The following DHX58 variants were observed in gnomAD, a reference collection of about 807,000 sequenced individuals.
DHX58 encodes DExH-box helicase 58.
A neutral mutation model predicts 65.0 loss-of-function variants in DHX58; 51 were observed. That is an observed-to-expected ratio of 0.78 (90% CI 0.63 to 0.99). The LOEUF (loss-of-function observed/expected upper bound fraction) is 0.99, where lower values mean the gene tolerates loss of function less well. Among genes scored for constraint, DHX58 ranks in the 50% least tolerant of loss-of-function variants. The probability of loss-of-function intolerance (pLI) is 0.00; values close to 1 mark genes in which losing one functional copy is unlikely to be tolerated. For synonymous variants in DHX58, 350 were observed against 365.0 expected (o/e 0.96, Z 0.47); for missense variants, 773 against 891.8 (o/e 0.87, Z 1.70).
At chr17:42,108,395 C>T (rs928394006) in intron 6 of DHX58, among the ~76,000 whole-genome samples, 2 of 152,246 alleles carry the variant, frequency 1.3e-5, no homozygotes, top group African/African-American at 4.8e-5. Flanking sequence ...CAGAGTGACT[C>T]AGCGAGTTTG....
At chr17:42,109,211 C>G in intron 6 of DHX58, 59 bp downstream of exon 6, 2 of 1,467,232 alleles carry the variant, frequency 1.4e-6, no homozygotes, top group Non-Finnish European at 1.9e-6. Flanking sequence ...AGGGCCCAAG[C>G]CTAGGTGTCC....
intron 2 of DHX58, 60 bp downstream of exon 2, chr17:42,112,052 CA>C: frequency 2.2e-6 from 2 of 900,070 alleles, no homozygotes; most frequent in South Asian, 1.9e-5. Context: ...CTGCTCTGCC[CA>C]AAAGGGGGAG....
chr17:42,107,387 A>G (rs1171753798), intron 8 of DHX58, among the ~76,000 whole-genome samples: 1 of 151,700 alleles, frequency 6.6e-6, no homozygotes, highest in African/African-American at 2.4e-5. Flanking sequence ...AAAAAAGTCA[A>G]CAATGTTAAT....
rs782528449 is a variant in DHX58, at chr17:42,111,924, A to G, written c.-1-31T>C. ...AATGGCAGGGGACTCAGACCCACCG[A>G]CTCCTCCACCCCTCCCAACTCCTGG... On this transcript the variant is annotated intron_variant, in intron 2 of 13. Transcript: ENST00000251642. 18 of 1,576,746 alleles carry G rather than the reference A, an allele frequency of 1.1e-5. No individual in the cohort carries two copies. The South Asian group carries it at 2.0e-4, about 17-fold the overall frequency.
intron 11 of DHX58, among the ~76,000 whole-genome samples, chr17:42,104,192 T>C (rs1476000480): frequency 2.0e-5 from 3 of 147,644 alleles, no homozygotes; most frequent in Non-Finnish European, 3.0e-5. Context: ...GGTGACAGAG[T>C]GAGACTCCGT....
chr17:42,107,549 A>G (rs2054079917), intron 8 of DHX58, 55 bp downstream of exon 8: 1 of 1,477,670 alleles, frequency 6.8e-7, no homozygotes, highest in Non-Finnish European at 9.0e-7. Context: ...CTGGCCTCTG[A>G]CCTCGCATCC....
At chr17:42,103,916 C>T in intron 11 of DHX58, 118 bp from the exon 12 acceptor site, 1 of 1,146,410 alleles carries the variant, frequency 8.7e-7, no homozygotes, top group South Asian at 1.6e-5. Flanking sequence ...CTTAACCCTC[C>T]CTGGAGCTTA....
intron 2 of DHX58, 24 bp from the exon 3 acceptor site, chr17:42,111,917 C>T (rs781810676): frequency 6.3e-7 from 1 of 1,586,504 alleles, no homozygotes; most frequent in Non-Finnish European, 8.6e-7. Flanking sequence ...GGGACTCAGA[C>T]CCACCGACTC....
intron 8 of DHX58, among the ~76,000 whole-genome samples, chr17:42,106,441 TG>T (rs2054061504): frequency 5.9e-5 from 1 of 16,992 alleles, no homozygotes; most frequent in Non-Finnish European, 1.1e-4. Flanking sequence ...AGGTGGGGGG[TG>T]GGGGGTGGGG....
intron 9 of DHX58, 88 bp from the exon 10 acceptor site, chr17:42,105,255 C>G (rs1175660922): frequency 1.4e-6 from 2 of 1,448,660 alleles, no homozygotes; most frequent in African/African-American, 1.4e-5. Flanking sequence ...TCTTCTGGTT[C>G]AGCCCTCACT....
chr17:42,103,585 G>T, intron 12 of DHX58, 23 bp downstream of exon 12: 6 of 1,613,212 alleles, frequency 3.7e-6, no homozygotes, highest in Non-Finnish European at 5.1e-6. Context: ...CCCCATCCCA[G>T]TAGCCCCTTC....
In DHX58 at chr17:42,105,936, G is replaced by A; in HGVS notation, c.1051C>T (p.Leu351=). 1.2e-6 allele frequency: 2 copies of A among 1,613,798 alleles called. No individual in the cohort carries two copies. The highest frequency in any genetic ancestry group is 1.7e-6 in the Non-Finnish European group (2 of 1,180,002). Residue 351 remains leucine (L), a synonymous_variant, in exon 9 of 14, where the codon CTG becomes TTG. Coordinates refer to ENST00000251642, the MANE Select transcript of DHX58 (RefSeq NM_024119.3). ...LATHGPENPK[L]EMLEKILQRQ... is the part of the protein sequence containing the mutation. The stretch of plus-strand genomic sequence containing the variant: ...TGCAGGATCTTTTCCAGCATCTCCA[G>A]TTTTGGATTCTCTGGGCCATGAGTT...
chr17:42,108,166 T>C (rs2054094534), intron 6 of DHX58, 58 bp from the exon 7 acceptor site: 8 of 1,611,606 alleles, frequency 5.0e-6, no homozygotes, highest in South Asian at 3.3e-5. Context: ...GGGCACCCAG[T>C]GGGGGTGCTG....
chr17:42,101,823 C>G lies in DHX58; in HGVS notation c.1975G>C (p.Val659Leu). 6.2e-7 allele frequency: 1 copy of G among 1,614,244 alleles called. No homozygotes were observed. The highest frequency in any genetic ancestry group is 8.5e-7 in the Non-Finnish European group (1 of 1,180,046). Residue 659 changes from valine to leucine, a missense_variant, in exon 14 of 14, where the codon GTG (valine) becomes CTG (leucine). Val to Leu is a conservative substitution (Grantham distance 32, BLOSUM62 1). Coordinates refer to ENST00000251642, the MANE Select transcript of DHX58 (RefSeq NM_024119.3). ...TGCTGCAGGAAGTCAAAGTCAGGCA[C>G]GGAGAAGGGCACGCGGGACCACTTT... Reference protein sequence around the residue: ...AKKWSRVPFSVPDFDFLQHCA... With the variant: ...AKKWSRVPFSLPDFDFLQHCA...
In DHX58 at chr17:42,105,849, C is replaced by T. The variant is rs369279500; in HGVS notation, c.1138G>A (p.Ala380Thr). The change falls in exon 9 of 14, where the codon GCA becomes ACA. Residue 380 changes from alanine to threonine, a missense_variant. Physicochemically the swap from Ala to Thr is moderately conservative, Grantham distance 58. Coordinates refer to ENST00000251642, the MANE Select transcript of DHX58 (RefSeq NM_024119.3). Reference protein sequence around the residue: ...GIIFTRTRQSAHSLLLWLQQQ... With the variant: ...GIIFTRTRQSTHSLLLWLQQQ... ...TGGAGCCAGAGCAGGAGGGAGTGTG[C>T]GCTTTGGCGGGTGCGGGTGAAGATG... The T allele has an allele frequency of 1.6e-5, 26 of 1,613,942 alleles. No homozygotes were observed. The highest frequency in any genetic ancestry group is 1.2e-4 in the South Asian group (11 of 91,078).
In DHX58 at chr17:42,108,286, G is replaced by A. The variant is rs528159768; in HGVS notation, c.679-178C>T. Among the ~76,000 whole-genome samples the A allele has an allele frequency of 1.1e-4, 16 of 152,300 alleles. No individual in the cohort carries two copies. The East Asian group carries it at 2.7e-3, about 26-fold the overall frequency. Reference sequence around the variant, plus strand: ...GGGGGAGTCCTGCCCTGTCTCACCCGCGATGTGCTCTTACCCTTTGGCCTG... The same window carrying A: ...GGGGGAGTCCTGCCCTGTCTCACCCACGATGTGCTCTTACCCTTTGGCCTG... On this transcript the variant is annotated intron_variant, in intron 6 of 13. Transcript: ENST00000251642.
intron 8 of DHX58, 99 bp from the exon 9 acceptor site, chr17:42,106,088 G>T (rs2054053788): frequency 6.0e-6 from 8 of 1,325,532 alleles, no homozygotes; most frequent in Non-Finnish European, 7.2e-6. Context: ...AAGCCTAGGA[G>T]GTCAAGGCTG....
chr17:42,106,192 A>AAGAG (rs1311954699), intron 8 of DHX58, among the ~76,000 whole-genome samples: 1 of 150,402 alleles, frequency 6.6e-6, no homozygotes. Context: ...AAGCAAGAGA[A>AAGAG]AGAGAGAGAG....
intron 13 of DHX58, 42 bp downstream of exon 13, chr17:42,102,174 G>A: frequency 3.7e-6 from 6 of 1,604,530 alleles, no homozygotes; most frequent in Non-Finnish European, 5.1e-6. Context: ...TGAAGACTGG[G>A]GCTGAGGACT....
Sources: gnomAD v4.1 joint callset for allele counts (sites outside exome capture counted in the v4.1 genomes callset) on GRCh38, gnomAD v4.1.1 for gene constraint, MANE v1.5 for transcripts, NCBI Gene and HGNC (gene_info 2026-07-23, HGNC 2026-07-21) for gene names.